MOB3A: variants seen among roughly 807,000 people sequenced by gnomAD.
The protein encoded by MOB3A is MOB kinase activator 3A.
In MOB3A, 17 loss-of-function variants were observed where a neutral mutation model predicts 17.8. The observed-to-expected ratio is 0.95, with a 90% confidence interval of 0.65 to 1.43. MOB3A has a LOEUF of 1.43. Ranked by LOEUF, MOB3A falls within the 40% of genes most tolerant of loss-of-function variation. MOB3A has a pLI of 0.00. For synonymous variants in MOB3A, 124 were observed against 133.2 expected (o/e 0.93, Z 0.48); for missense variants, 333 against 310.8 (o/e 1.07, Z -0.54).
Position 2,076,988 on chromosome 19 carries a change from C to T in MOB3A, c.447G>A (p.Leu149=), listed in dbSNP as rs375974312. ...NVGTPFPKNF[L]QTVRKILSRL... Reference sequence around the variant, plus strand: ...GCGACAGGATCTTCCGCACCGTCTGCAGGAAGTTCTTGGGAAACGGAGTGC... The same window carrying T: ...GCGACAGGATCTTCCGCACCGTCTGTAGGAAGTTCTTGGGAAACGGAGTGC... The change falls in exon 4 of 5, where the codon CTG becomes CTA. Residue 149 remains leucine, a synonymous_variant. Transcript: ENST00000357066. 2 of 1,613,520 alleles carry T rather than the reference C, an allele frequency of 1.2e-6. No individual in the cohort carries two copies. The highest frequency in any genetic ancestry group is 1.7e-5 in the Admixed American group (1 of 59,970).
intron 2 of MOB3A, among the ~76,000 whole-genome samples, chr19:2,083,654 C>T (rs531145494): frequency 3.3e-4 from 50 of 152,312 alleles, no homozygotes; most frequent in Non-Finnish European, 6.6e-4. Flanking sequence ...TCCCCGTTTC[C>T]GCTTCACATC....
chr19:2,093,739 T>C lies in MOB3A; in HGVS notation c.-274+2487A>G, dbSNP rs1009635730. 1.3e-5 allele frequency among the ~76,000 whole-genome samples: 2 copies of C among 152,058 alleles called. No individual in the cohort carries two copies. The highest frequency in any genetic ancestry group is 2.9e-5 in the Non-Finnish European group (2 of 68,012). ...CAGAGTTAAAAGAGAAAAATCAACC[T>C]GTGGAAAGAGAGGGAGCTGGGAAGG... On this transcript the variant is annotated intron_variant, in intron 1 of 4. Coordinates refer to ENST00000357066, the MANE Select transcript of MOB3A (RefSeq NM_130807.3). This position sits in a 1 kb window ranked among gnomAD's most constrained non-coding sequence, Gnocchi z 4.6.
chr19:2,089,232 G>A (rs2017586388), intron 1 of MOB3A, among the ~76,000 whole-genome samples: 1 of 152,228 alleles, frequency 6.6e-6, no homozygotes, highest in Non-Finnish European at 1.5e-5. Context: ...TGGCTGGCGG[G>A]AGGGGCTCAC....
chr19:2,092,037 A>G (rs12978512), intron 1 of MOB3A, among the ~76,000 whole-genome samples: 18 of 151,220 alleles, frequency 1.2e-4, no homozygotes, highest in Admixed American at 1.2e-3. Flanking sequence ...ATAAATTGCT[A>G]CAACCATGAA....
intron 4 of MOB3A, among the ~76,000 whole-genome samples, chr19:2,076,364 G>A (rs1599402159): frequency 1.3e-5 from 2 of 152,018 alleles, no homozygotes; most frequent in Non-Finnish European, 2.9e-5. Flanking sequence ...CTCGGGAGGC[G>A]GAGGTTGCAG....
chr19:2,073,856 T>C (rs781003080), intron 4 of MOB3A, among the ~76,000 whole-genome samples: 15 of 151,770 alleles, frequency 9.9e-5, no homozygotes, highest in Non-Finnish European at 2.1e-4. Context: ...CACGGTGAAA[T>C]CCTGTCTCTA....
chr19:2,086,795 T>C (rs1362751064), intron 1 of MOB3A, among the ~76,000 whole-genome samples: 1 of 151,886 alleles, frequency 6.6e-6, no homozygotes, highest in Non-Finnish European at 1.5e-5. Flanking sequence ...CTGGTTTACA[T>C]TTTTGTTTTT....
rs2017505793 is a variant in MOB3A at position 2,082,801 on chromosome 19, T to TCC, written c.-120+2372_-120+2373dup. Reference sequence around the variant, plus strand: ...CACAACCCCAGGGTCACCACACAGGTCCCCCCGCTTGCTTCTCTTCCATTT... The same window carrying TCC: ...CACAACCCCAGGGTCACCACACAGGTCCCCCCCCGCTTGCTTCTCTTCCATTT... On this transcript the variant is annotated intron_variant, in intron 2 of 4. Transcript: ENST00000357066. The surrounding 1 kb of genome is among the most constrained non-coding windows in gnomAD (Gnocchi z 4.1). Among the ~76,000 whole-genome samples the TCC allele has an allele frequency of 6.6e-6, 1 of 151,770 alleles. No homozygotes were observed. Among genetic ancestry groups the TCC allele is most frequent in the Non-Finnish European group, 1.5e-5 (1 of 67,944 alleles).
chr19:2,076,387 G>A (rs1354175339), intron 4 of MOB3A, among the ~76,000 whole-genome samples: 3 of 152,098 alleles, frequency 2.0e-5, no homozygotes, highest in East Asian at 1.9e-4. Context: ...AGCCGAGATC[G>A]CACCACTGCA....
chr19:2,071,530 G>A lies in MOB3A; in HGVS notation c.*1865C>T. ...TCTGTGTGGTCTGGGACAGTGCAGG[G>A]CTCAGGCAGGAAGGACCACTGTGGT... On this transcript the variant is annotated 3_prime_UTR_variant, in exon 5 of 5. Coordinates refer to ENST00000357066, the MANE Select transcript of MOB3A (RefSeq NM_130807.3). The A allele has an allele frequency of 6.6e-6, 1 of 152,664 alleles. No homozygotes were observed. Among genetic ancestry groups the A allele is most frequent in the Non-Finnish European group, 1.5e-5 (1 of 68,268 alleles). The allele number at this position is 152,664 out of a possible 1,614,324, so 9.5% of individuals were successfully genotyped here. A position where few individuals can be genotyped will look rare whatever the true frequency, so the allele number is the denominator to read the frequency against.
intron 4 of MOB3A, among the ~76,000 whole-genome samples, chr19:2,075,032 CTT>C (rs903527212): frequency 4.2e-4 from 56 of 133,094 alleles, no homozygotes; most frequent in Admixed American, 4.5e-4. Context: ...CTTTTCTTTT[CTT>C]TTTTTTTTTT....
At chr19:2,083,521 C>CA (rs2017515695) in intron 2 of MOB3A, among the ~76,000 whole-genome samples, 1 of 152,244 alleles carries the variant, frequency 6.6e-6, no homozygotes, top group Non-Finnish European at 1.5e-5. Context: ...CGCTGGGAAT[C>CA]AATCACCTCA....
At position 2,082,768 on chromosome 19, in the gene MOB3A, C is replaced by A. The variant is rs1010152950; in HGVS notation, c.-120+2407G>T. Among the ~76,000 whole-genome samples the A allele has an allele frequency of 6.6e-6, 1 of 152,126 alleles. No homozygotes were observed. The highest frequency in any genetic ancestry group is 2.4e-5 in the African/African-American group (1 of 41,416). On this transcript the variant is annotated intron_variant, in intron 2 of 4. Transcript: ENST00000357066. The surrounding 1 kb of genome is among the most constrained non-coding windows in gnomAD (Gnocchi z 4.1). ...ACTGCTGACCCATCTTGGTTTTGCT[C>A]GGCGGGGCACAACCCCAGGGTCACC...
At chr19:2,089,894 T>C (rs1599411869) in intron 1 of MOB3A, among the ~76,000 whole-genome samples, 1 of 151,928 alleles carries the variant, frequency 6.6e-6, no homozygotes, top group Admixed American at 6.6e-5. Context: ...ACCCACTCCA[T>C]GCCAGGGGCA....
chr19:2,081,516 G>A (rs536437821), intron 2 of MOB3A, among the ~76,000 whole-genome samples: 61 of 147,698 alleles, frequency 4.1e-4, no homozygotes, highest in East Asian at 2.0e-3. Context: ...TGAACCCGGG[G>A]GACAAAGGTT....
At chr19:2,086,372 T>A (rs557181172) in intron 1 of MOB3A, among the ~76,000 whole-genome samples, 2 of 150,870 alleles carry the variant, frequency 1.3e-5, no homozygotes, top group African/African-American at 4.9e-5. Flanking sequence ...TTTATTTTTA[T>A]TTTTTTGAGG....
chr19:2,073,543 C>T (rs1039589620), intron 4 of MOB3A, 119 bp from the exon 5 acceptor site: 3 of 1,364,270 alleles, frequency 2.2e-6, no homozygotes, highest in Admixed American at 1.7e-5. Context: ...TCCCTGAACA[C>T]CCAAACAACA....
chr19:2,078,118 G>A, intron 3 of MOB3A, 22 bp downstream of exon 3: 1 of 1,542,124 alleles, frequency 6.5e-7, no homozygotes, highest in Non-Finnish European at 8.8e-7. Flanking sequence ...GTATCCCCGA[G>A]CCCCTGCCAG....
In MOB3A at chr19:2,088,766, C is replaced by T. The variant is rs368277088; in HGVS notation, c.-273-3438G>A. ...TACAGGCATGAGCCACCACACCCGG[C>T]AATTTTTGTATTTTTTGTAGAGACG... On this transcript the variant is annotated intron_variant, in intron 1 of 4. Coordinates refer to ENST00000357066, the MANE Select transcript of MOB3A (RefSeq NM_130807.3). Among the ~76,000 whole-genome samples, 1,011 of 152,222 alleles carry T rather than the reference C, an allele frequency of 6.6e-3. 8 individuals carry two copies. Among genetic ancestry groups the T allele is most frequent in the South Asian group, 0.029 (140 of 4,822 alleles).
Sources: gnomAD v4.1 joint callset for allele counts (sites outside exome capture counted in the v4.1 genomes callset) on GRCh38, gnomAD v4.1.1 for gene constraint, Gnocchi (gnomAD v3.1) non-coding constraint, MANE v1.5 for transcripts, NCBI Gene and HGNC (gene_info 2026-07-23, HGNC 2026-07-21) for gene names.